Variants in CEP290 observed in about 807,000 individuals in gnomAD.
CEP290 encodes the protein centrosomal protein of 290 kDa.
CEP290 carries 317 observed loss-of-function variants against 344.9 expected under a neutral mutation model. That is an observed-to-expected ratio of 0.92 (90% CI 0.84 to 1.01). CEP290 has a LOEUF of 1.01. Among genes scored for constraint, CEP290 ranks in the 50% least tolerant of loss-of-function variants. The pLI is 0.00. For missense variants in CEP290, 2,754 were observed against 2,761.4 expected (o/e 1.00, Z 0.06); for synonymous variants, 932 against 895.8 (o/e 1.04, Z -0.72).
chr12:88,065,740 G>C (rs773218192), intron 44 of CEP290, among the ~76,000 whole-genome samples: 1 of 152,106 alleles, frequency 6.6e-6, no homozygotes, highest in Non-Finnish European at 1.5e-5. Context: ...GATCTCACAT[G>C]AGGATATTTT....
chr12:88,049,989 TAA>T (rs2136558450), intron 53 of CEP290: 1 of 187,236 alleles, frequency 5.3e-6, no homozygotes, highest in Admixed American at 6.4e-5. Flanking sequence ...TTTACAGTCT[TAA>T]AAGAGGTAAA....
chr12:88,065,155 A>AT (rs895234435), intron 44 of CEP290, among the ~76,000 whole-genome samples: 21 of 151,838 alleles, frequency 1.4e-4, no homozygotes, highest in East Asian at 5.8e-4. Flanking sequence ...ATAGGAAATA[A>AT]TTTTTTTTAA....
intron 31 of CEP290, among the ~76,000 whole-genome samples, chr12:88,088,172 G>A (rs1427899292): frequency 6.6e-6 from 1 of 152,064 alleles, no homozygotes; most frequent in East Asian, 1.9e-4. Flanking sequence ...TGTTGGAATG[G>A]ACATCACTAA....
chr12:88,111,585 A>C, intron 21 of CEP290, 109 bp downstream of exon 21: 2 of 957,608 alleles, frequency 2.1e-6, no homozygotes, highest in South Asian at 4.1e-5. Flanking sequence ...TGAAAGAATT[A>C]ATTCAAGGGG....
chr12:88,054,751 A>G (rs1402900644), intron 50 of CEP290, among the ~76,000 whole-genome samples: 1 of 152,138 alleles, frequency 6.6e-6, no homozygotes, highest in Non-Finnish European at 1.5e-5. Flanking sequence ...AGAAAAAATA[A>G]TCCAGGGTAA....
Position 88,059,914 on chromosome 12 carries a change from C to T in CEP290, c.6629G>A (p.Arg2210His), listed in dbSNP as rs371833544. The T allele has an allele frequency of 3.8e-5, 61 of 1,591,990 alleles. No homozygotes were observed. The highest frequency in any genetic ancestry group is 2.2e-4 in the East Asian group (10 of 44,468). ...AAGTCATACTTTTTTAAGTTCTTTA[C>T]GAAGCCTTTCATTTTCAGCAATAAT... The part of the protein sequence containing the change: ...EKIIAENERL[R>H]KELKKETDAA... The change falls in exon 48 of 54, where the codon CGT becomes CAT. Residue 2210 changes from arginine to histidine, a missense_variant. Arg to His is a conservative substitution (Grantham distance 29, BLOSUM62 0). Transcript: ENST00000552810.
intron 44 of CEP290, among the ~76,000 whole-genome samples, chr12:88,067,664 A>T (rs1474212945): frequency 6.6e-6 from 1 of 152,100 alleles, no homozygotes; most frequent in Non-Finnish European, 1.5e-5. Flanking sequence ...TTTTGACAAC[A>T]TTCTTGATTA....
intron 15 of CEP290, among the ~76,000 whole-genome samples, chr12:88,118,963 T>A (rs1250196832): frequency 2.0e-5 from 3 of 152,162 alleles, no homozygotes; most frequent in Non-Finnish European, 4.4e-5. Context: ...TAAATGAAAT[T>A]ATAAACCAAG....
rs1180101916 is a variant in CEP290 at position 88,086,439 on chromosome 12, T to C, written c.4254A>G (p.Leu1418=). 1 of 1,600,376 alleles carries C rather than the reference T, an allele frequency of 6.2e-7. No homozygotes were observed. Among genetic ancestry groups the C allele is most frequent in the Admixed American group, 1.7e-5 (1 of 58,514 alleles). Residue 1418 remains leucine, a synonymous_variant, in exon 33 of 54, where the codon CTA becomes CTG. Transcript: ENST00000552810. ...DQREVDLERQ[L]DIFDRQQNEI... is the part of the protein sequence containing the mutation. The stretch of plus-strand genomic sequence containing the variant: ...CATTTTGCTGACGGTCAAAAATGTC[T>C]AGTTGGCGTTCCAGGTCAACTTCTC...
In CEP290 at chr12:88,049,141, A is replaced by G. The variant is rs780284183; in HGVS notation, c.*43T>C. On this transcript the variant is annotated 3_prime_UTR_variant, in exon 54 of 54. Coordinates refer to ENST00000552810, the MANE Select transcript of CEP290 (RefSeq NM_025114.4). ...TATTTCCAAGTATATTTAACTTATA[A>G]AGTTAATAAATAGTTAAATGAAACA... The G allele has an allele frequency of 2.1e-5, 25 of 1,187,244 alleles. No individual in the cohort carries two copies. The South Asian group carries it at 3.3e-4, about 16-fold the overall frequency. 73.5% of individuals were successfully genotyped at this position (1,187,244 alleles called of 1,614,324 possible).
chr12:88,130,354 A>G lies in CEP290; in HGVS notation c.583T>C (p.Leu195=), dbSNP rs1429521689. 1 of 1,610,802 alleles carries G rather than the reference A, an allele frequency of 6.2e-7. No individual in the cohort carries two copies. Among genetic ancestry groups the G allele is most frequent in the East Asian group, 2.2e-5 (1 of 44,668 alleles). The change falls in exon 9 of 54, where the codon TTA becomes CTA. Residue 195 remains leucine (L), a synonymous_variant. Transcript: ENST00000552810. The stretch of plus-strand genomic sequence containing the variant: ...TCACTGTCTTCCCCTCTTCTTGATA[A>G]AAGTGTTTCTTTCTGTGAATCTATT... ...KQIDSQKETL[L]SRRGEDSDYR... is the part of the protein sequence containing the mutation.
At chr12:88,051,930 C>G (rs2033582513) in intron 52 of CEP290, among the ~76,000 whole-genome samples, 1 of 152,158 alleles carries the variant, frequency 6.6e-6, no homozygotes, top group East Asian at 1.9e-4. Flanking sequence ...GGGTTAAGGA[C>G]TAGGAATGCC....
rs756773557 is a variant in CEP290, at chr12:88,115,897, A to G, written c.1825-715T>C. 75 of 983,884 alleles carry G rather than the reference A, an allele frequency of 7.6e-5. No individual in the cohort carries two copies. Among genetic ancestry groups the G allele is most frequent in the Non-Finnish European group, 8.6e-5 (71 of 828,636 alleles). The allele number at this position is 983,884 out of a possible 1,614,324, so 60.9% of individuals were successfully genotyped here. A position where few individuals can be genotyped will look rare whatever the true frequency, so the allele number is the denominator to read the frequency against. On this transcript the variant is annotated intron_variant, in intron 18 of 53. Transcript: ENST00000552810. ...AGATTAACCTTAAGCTTATTTTTCA[A>G]TATCTCTGTCTGTAAGGGTACTTCA...
intron 52 of CEP290, 46 bp from the exon 53 acceptor site, chr12:88,050,479 G>T (rs368103779): frequency 2.3e-6 from 2 of 883,626 alleles, no homozygotes; most frequent in Middle Eastern, 2.3e-4. Flanking sequence ...TTCCCACTAC[G>T]AATGAGTTCA....
intron 21 of CEP290, 84 bp downstream of exon 21, chr12:88,111,610 G>A: frequency 8.6e-7 from 1 of 1,156,838 alleles, no homozygotes; most frequent in Non-Finnish European, 1.2e-6. Context: ...TTCTCATAAA[G>A]CATTCTTTTT....
intron 44 of CEP290, among the ~76,000 whole-genome samples, chr12:88,065,707 A>G (rs2034868689): frequency 6.6e-6 from 1 of 152,192 alleles, no homozygotes; most frequent in Non-Finnish European, 1.5e-5. Flanking sequence ...ATATTAGAGT[A>G]GAGGGTAATT....
At chr12:88,063,611 AT>A (rs1024352467) in intron 45 of CEP290, among the ~76,000 whole-genome samples, 1 of 151,744 alleles carries the variant, frequency 6.6e-6, no homozygotes, top group Non-Finnish European at 1.5e-5. Context: ...TTACTACTCT[AT>A]TTTCAGTTAC....
intron 27 of CEP290, among the ~76,000 whole-genome samples, chr12:88,095,735 T>C (rs1174875193): frequency 6.6e-6 from 1 of 152,140 alleles, no homozygotes; most frequent in Non-Finnish European, 1.5e-5. Context: ...AGCTCTAACG[T>C]CTAGGAAACA....
At position 88,129,003 on chromosome 12, in the gene CEP290, T is replaced by G. The variant is rs1453946434; in HGVS notation, c.885A>C (p.Lys295Asn). ...VQELTDLLKS[K>N]NEEDDPIMVA... ...CCATAATTGGATCATCTTCTTCATTTTTTGATTTCAGAAGATCTGTAAGCT... is the reference window on the plus strand; with the variant it reads ...CCATAATTGGATCATCTTCTTCATTGTTTGATTTCAGAAGATCTGTAAGCT... Residue 295 changes from lysine to asparagine, a missense_variant, in exon 11 of 54, where the codon AAA (lysine) becomes AAC (asparagine). Lys to Asn is a moderately conservative substitution (Grantham distance 94). Coordinates refer to ENST00000552810, the MANE Select transcript of CEP290 (RefSeq NM_025114.4). 2.6e-6 allele frequency: 4 copies of G among 1,531,404 alleles called. No homozygotes were observed. In the East Asian group the frequency reaches 7.5e-5, roughly 29 times the overall value. 94.9% of individuals were successfully genotyped at this position (1,531,404 alleles called of 1,614,324 possible).
Sources: allele counts gnomAD v4.1 joint callset (sites outside exome capture counted in the v4.1 genomes callset), GRCh38; gene constraint gnomAD v4.1.1; transcripts MANE v1.5; gene names NCBI Gene and HGNC (gene_info 2026-07-23, HGNC 2026-07-21).